The following ARL15 variants were observed in gnomAD, a reference collection of about 807,000 sequenced individuals.
The protein encoded by ARL15 is ADP-ribosylation factor-like protein 15.
A neutral mutation model predicts 25.2 loss-of-function variants in ARL15; 19 were observed. The ratio of observed to expected loss-of-function variants is 0.75; its 90% confidence interval spans 0.53 to 1.10. The LOEUF is 1.10. Ranked by LOEUF, ARL15 falls within the 50% of genes least tolerant of loss-of-function variation. The pLI is 0.00. For missense variants in ARL15, 220 were observed against 246.0 expected (o/e 0.89, Z 0.71); for synonymous variants, 94 against 86.8 (o/e 1.08, Z -0.46).
chr5:54,173,994 GT>G (rs1754791720), intron 1 of ARL15, among the ~76,000 whole-genome samples: 1 of 152,136 alleles, frequency 6.6e-6, no homozygotes, highest in Non-Finnish European at 1.5e-5. Context: ...CCTCAGGGCA[GT>G]CTGCTCCAAT....
chr5:53,937,975 C>T (rs1005485513), intron 4 of ARL15, among the ~76,000 whole-genome samples: 2 of 152,118 alleles, frequency 1.3e-5, no homozygotes, highest in Non-Finnish European at 2.9e-5. Context: ...ATGTCAACGT[C>T]ATATCTGTGT....
At chr5:53,910,385 G>A (rs1420835833) in intron 4 of ARL15, among the ~76,000 whole-genome samples, 1 of 151,846 alleles carries the variant, frequency 6.6e-6, no homozygotes, top group Non-Finnish European at 1.5e-5. Context: ...CAATACTAGG[G>A]TCTCAACATT....
intron 4 of ARL15, among the ~76,000 whole-genome samples, chr5:54,033,440 C>T (rs934947216): frequency 3.9e-5 from 6 of 152,010 alleles, no homozygotes; most frequent in Admixed American, 1.3e-4. Context: ...GAGGCCGAGG[C>T]GGGTGGATCA....
chr5:54,060,946 G>T (rs144247426), intron 4 of ARL15, among the ~76,000 whole-genome samples: 1 of 152,142 alleles, frequency 6.6e-6, no homozygotes, highest in Non-Finnish European at 1.5e-5. Flanking sequence ...CTGACAGTGC[G>T]ATAGAAAAGA....
chr5:54,139,911 T>C (rs1248661315), intron 3 of ARL15, among the ~76,000 whole-genome samples: 1 of 152,240 alleles, frequency 6.6e-6, no homozygotes, highest in East Asian at 1.9e-4. Context: ...AAGCATCTTT[T>C]CTACATTTCT....
intron 4 of ARL15, among the ~76,000 whole-genome samples, chr5:53,982,038 A>C (rs1282310729): frequency 6.6e-6 from 1 of 152,192 alleles, no homozygotes; most frequent in Non-Finnish European, 1.5e-5. Flanking sequence ...CTTGGAACCA[A>C]GAGAGAACAC....
chr5:53,961,521 T>C (rs77787926), intron 4 of ARL15, among the ~76,000 whole-genome samples: 18 of 123,138 alleles, frequency 1.5e-4, no homozygotes, highest in Non-Finnish European at 1.2e-4. Context: ...AAAAAAAAAA[T>C]CATTCCCATT....
Position 53,946,047 on chromosome 5 carries a change from T to G in ARL15, c.463-59334A>C, listed in dbSNP as rs955416812. Among the ~76,000 whole-genome samples, 5 of 152,220 alleles carry G rather than the reference T, an allele frequency of 3.3e-5. No individual in the cohort carries two copies. In the East Asian group the frequency reaches 9.6e-4, roughly 29 times the overall value. ...CATTGGGAACCCTCACTCTTTCAAA[T>G]TTCAGTTTCCTCATGTATGAATGAG... On this transcript the variant is annotated intron_variant, in intron 4 of 4. Transcript: ENST00000504924.
intron 4 of ARL15, among the ~76,000 whole-genome samples, chr5:53,907,128 A>G (rs1319382947): frequency 1.3e-5 from 2 of 152,020 alleles, no homozygotes; most frequent in Non-Finnish European, 2.9e-5. Context: ...AGCAAGAAGT[A>G]CAGCTTCCTA....
At position 53,929,170 on chromosome 5, in the gene ARL15, C is replaced by CAA. The variant is rs3990747; in HGVS notation, c.463-42459_463-42458dup. Reference sequence around the variant, plus strand: ...AGCATTCCAGATAGAAAATAAGTTCCAAAAAAAAAAAAAAAATACATAAAA... The same window carrying CAA: ...AGCATTCCAGATAGAAAATAAGTTCCAAAAAAAAAAAAAAAAAATACATAAAA... On this transcript the variant is annotated intron_variant, in intron 4 of 4. Coordinates refer to ENST00000504924, the MANE Select transcript of ARL15 (RefSeq NM_019087.3). Among the ~76,000 whole-genome samples the CAA allele has an allele frequency of 5.0e-4, 71 of 142,276 alleles. No individual in the cohort carries two copies. The East Asian group carries it at 5.7e-3, about 11-fold the overall frequency. 93.3% of individuals were successfully genotyped at this position (142,276 alleles called of 152,430 possible).
intron 1 of ARL15, among the ~76,000 whole-genome samples, chr5:54,305,663 G>A (rs1238490884): frequency 6.6e-6 from 1 of 152,062 alleles, no homozygotes; most frequent in South Asian, 2.1e-4. Context: ...TGTAAATTAG[G>A]CATAGTAAGT....
chr5:54,113,133 C>G, intron 4 of ARL15, 69 bp downstream of exon 4: 1 of 1,482,760 alleles, frequency 6.7e-7, no homozygotes, highest in East Asian at 2.3e-5. Flanking sequence ...ATGCATTTTT[C>G]CAGGTTCCAA....
At chr5:53,887,505 A>G in intron 4 of ARL15, 1 of 615,884 alleles carries the variant, frequency 1.6e-6, no homozygotes, top group Non-Finnish European at 2.9e-6. Context: ...ATTTAGTATT[A>G]CCAATTCCTG....
chr5:54,055,344 C>T (rs551699715), intron 4 of ARL15, among the ~76,000 whole-genome samples: 1 of 135,950 alleles, frequency 7.4e-6, no homozygotes, highest in African/African-American at 2.7e-5. Context: ...TTAGTTGCAT[C>T]ATCATTCCTT....
intron 4 of ARL15, among the ~76,000 whole-genome samples, chr5:53,903,796 A>G (rs565502156): frequency 6.6e-6 from 1 of 152,244 alleles, no homozygotes; most frequent in Middle Eastern, 3.4e-3. Flanking sequence ...CAGTACACCA[A>G]ATTGGGCTGA....
chr5:54,227,937 C>T (rs1166113988), intron 1 of ARL15, among the ~76,000 whole-genome samples: 1 of 152,062 alleles, frequency 6.6e-6, no homozygotes, highest in Admixed American at 6.6e-5. Context: ...TGAGAAGAGA[C>T]TGGACTGGCA....
At chr5:54,300,571 G>A (rs1022890982) in intron 1 of ARL15, among the ~76,000 whole-genome samples, 2 of 152,198 alleles carry the variant, frequency 1.3e-5, no homozygotes, top group Non-Finnish European at 2.9e-5. Flanking sequence ...TTGTTTTAAG[G>A]TGGTTCATTA....
At chr5:54,010,304 G>A (rs1749190580) in intron 4 of ARL15, among the ~76,000 whole-genome samples, 1 of 152,152 alleles carries the variant, frequency 6.6e-6, no homozygotes, top group South Asian at 2.1e-4. Flanking sequence ...CAAGTAGATT[G>A]ATTTTTCAAT....
intron 1 of ARL15, among the ~76,000 whole-genome samples, chr5:54,209,231 T>A (rs976458407): frequency 1.3e-5 from 2 of 151,996 alleles, no homozygotes; most frequent in African/African-American, 4.8e-5. Flanking sequence ...AAATCCTCAA[T>A]TTCCAAAGCA....
Sources: gnomAD v4.1 joint callset for allele counts (sites outside exome capture counted in the v4.1 genomes callset) on GRCh38, gnomAD v4.1.1 for gene constraint, MANE v1.5 for transcripts, NCBI Gene and HGNC (gene_info 2026-07-23, HGNC 2026-07-21) for gene names.